The following MAF variants were observed in gnomAD, a reference collection of about 807,000 sequenced individuals.
MAF encodes the protein MAF bZIP transcription factor, also known as transcription factor Maf.
A neutral mutation model predicts 22.0 loss-of-function variants in MAF; 10 were observed. The observed-to-expected ratio is 0.45, with a 90% CI of 0.28 to 0.77. The LOEUF is 0.77. MAF is among the 30% of genes least tolerant of loss of function. The pLI, the probability that MAF is intolerant of heterozygous loss-of-function variation, is 0.12. For missense variants in MAF, 544 were observed against 548.4 expected (o/e 0.99, Z 0.08); for synonymous variants, 337 against 255.8 (o/e 1.32, Z -3.03).
the MAF span, among the ~76,000 whole-genome samples, chr16:79,455,230 A>G: frequency 6.6e-6 from 1 of 152,326 alleles, no homozygotes; most frequent in African/African-American, 2.4e-5. Context: ...AAGTGAAGCC[A>G]TGGTATATTC....
the MAF span, among the ~76,000 whole-genome samples, chr16:79,448,036 A>G: frequency 1.3e-5 from 2 of 152,308 alleles, no homozygotes; most frequent in East Asian, 1.9e-4. Context: ...CTGAGATGGA[A>G]TCAACTCCTG....
At chr16:79,351,254 C>A in the MAF span, among the ~76,000 whole-genome samples, 1 of 152,152 alleles carries the variant, frequency 6.6e-6, no homozygotes, top group Non-Finnish European at 1.5e-5. Flanking sequence ...TCATCCCTTC[C>A]TTGATGCCCC....
the MAF span, among the ~76,000 whole-genome samples, chr16:79,440,209 G>C: frequency 1.3e-5 from 2 of 152,194 alleles, no homozygotes; most frequent in Non-Finnish European, 2.9e-5. Flanking sequence ...CAGAAAAGGG[G>C]GCTCTTGCTG....
At chr16:79,538,591 A>C in the MAF span, among the ~76,000 whole-genome samples, 1 of 152,202 alleles carries the variant, frequency 6.6e-6, no homozygotes, top group Admixed American at 6.5e-5. Context: ...TATAATTAAA[A>C]GGCCAGAGAT....
chr16:79,244,177 A>G, the MAF span, among the ~76,000 whole-genome samples: 1 of 152,058 alleles, frequency 6.6e-6, no homozygotes, highest in African/African-American at 2.4e-5. Context: ...GACCTCTCTC[A>G]TTGCTCCTAT....
chr16:79,217,996 A>T, the MAF span, among the ~76,000 whole-genome samples: 3 of 41,158 alleles, frequency 7.3e-5, no homozygotes, highest in Admixed American at 2.0e-4. Flanking sequence ...TAAAAAAAAA[A>T]AAAAAAAAAA....
chr16:79,598,588 G>GTC, intron 1 of MAF, 197 bp downstream of exon 1: 1 of 1,443,984 alleles, frequency 6.9e-7, no homozygotes, highest in African/African-American at 1.4e-5. Context: ...TGGGGTGTGT[G>GTC]TGTGTGTGTG....
chr16:79,472,171 C>T, the MAF span, among the ~76,000 whole-genome samples: 17 of 152,242 alleles, frequency 1.1e-4, no homozygotes, highest in African/African-American at 3.9e-4. Context: ...AGTCAACCCT[C>T]AAGCAGCTCA....
At chr16:79,491,034 A>G in the MAF span, among the ~76,000 whole-genome samples, 3 of 152,226 alleles carry the variant, frequency 2.0e-5, no homozygotes, top group Non-Finnish European at 4.4e-5. Flanking sequence ...GAGAATCAAT[A>G]AATGGAAACA....
At chr16:79,272,428 C>T in the MAF span, among the ~76,000 whole-genome samples, 552 of 152,302 alleles carry the variant, frequency 3.6e-3, 4 homozygotes, top group African/African-American at 0.013. Flanking sequence ...CCCTGGAGGC[C>T]CTGTGCGTGT....
the MAF span, among the ~76,000 whole-genome samples, chr16:79,280,571 T>G: frequency 1.6e-3 from 243 of 152,296 alleles, no homozygotes; most frequent in African/African-American, 5.7e-3. Context: ...GTCTTTTGAG[T>G]TTCCTAGGGC....
At chr16:79,283,391 T>C in the MAF span, among the ~76,000 whole-genome samples, 4 of 152,356 alleles carry the variant, frequency 2.6e-5, no homozygotes, top group South Asian at 6.2e-4. Flanking sequence ...TTTTAAAAGC[T>C]TCTTAAAATT....
chr16:79,600,505 C>T lies in MAF; in HGVS notation c.-603G>A, dbSNP rs1276434131. On this transcript the variant is annotated 5_prime_UTR_variant, in exon 1 of 2. Transcript: ENST00000326043. Reference sequence around the variant, plus strand: ...ATTATTTTTTTTCTTTCCTCTCTCTCCCTCGCGCGCTCTCTACCTCTGTGC... The same window carrying T: ...ATTATTTTTTTTCTTTCCTCTCTCTTCCTCGCGCGCTCTCTACCTCTGTGC... 2 of 195,320 alleles carry T rather than the reference C, an allele frequency of 1.0e-5. No homozygotes were observed. The highest frequency in any genetic ancestry group is 6.3e-5 in the Admixed American group (1 of 15,828). The allele number at this position is 195,320 out of a possible 1,614,324, so 12.1% of individuals were successfully genotyped here. A position where few individuals can be genotyped will look rare whatever the true frequency, so the allele number is the denominator to read the frequency against.
chr16:79,245,751 T>G, the MAF span, among the ~76,000 whole-genome samples: 1 of 152,026 alleles, frequency 6.6e-6, no homozygotes. Flanking sequence ...TAAAGACACA[T>G]GCACACATAT....
At chr16:79,569,715 G>A in the MAF span, among the ~76,000 whole-genome samples, 2 of 152,164 alleles carry the variant, frequency 1.3e-5, no homozygotes, top group Non-Finnish European at 2.9e-5. Context: ...TGATGCCTGG[G>A]TACCACCCCA....
Position 79,600,008 on chromosome 16 carries a change from C to T in MAF, c.-106G>A. On this transcript the variant is annotated 5_prime_UTR_variant, in exon 1 of 2. Transcript: ENST00000326043. Reference sequence around the variant, plus strand: ...CCAGCGGGTGAGCCAGCTTGCCGGGCTGGGGCGCTTCTAGCTTGCGCGGCG... The same window carrying T: ...CCAGCGGGTGAGCCAGCTTGCCGGGTTGGGGCGCTTCTAGCTTGCGCGGCG... The T allele has an allele frequency of 1.3e-6, 2 of 1,521,098 alleles. No individual in the cohort carries two copies. Among genetic ancestry groups the T allele is most frequent in the African/African-American group, 1.4e-5 (1 of 73,284 alleles). 94.2% of individuals were successfully genotyped at this position (1,521,098 alleles called of 1,614,324 possible). A position where few individuals can be genotyped will look rare whatever the true frequency, so the allele number is the denominator to read the frequency against.
At chr16:79,261,359 G>A in the MAF span, among the ~76,000 whole-genome samples, 3 of 29,778 alleles carry the variant, frequency 1.0e-4, no homozygotes, top group Admixed American at 8.1e-4. Context: ...CACCATGTTG[G>A]CCAGGCTGGT....
chr16:79,248,982 C>A, the MAF span, among the ~76,000 whole-genome samples: 1 of 152,110 alleles, frequency 6.6e-6, no homozygotes, highest in Non-Finnish European at 1.5e-5. Context: ...ATGCACTTAA[C>A]CCCTGCTGTG....
At chr16:79,227,333 A>C in the MAF span, among the ~76,000 whole-genome samples, 2 of 152,212 alleles carry the variant, frequency 1.3e-5, no homozygotes, top group South Asian at 4.1e-4. Context: ...CCTGGGGGAC[A>C]GAAGGATACC....
Sources: gnomAD v4.1 joint callset for allele counts (sites outside exome capture counted in the v4.1 genomes callset) on GRCh38, gnomAD v4.1.1 for gene constraint, MANE v1.5 for transcripts, NCBI Gene and HGNC (gene_info 2026-07-23, HGNC 2026-07-21) for gene names.